FBXO36: variants seen among roughly 807,000 people sequenced by gnomAD.
The protein encoded by FBXO36 is F-box only protein 36.
Under a neutral mutation model 17.0 loss-of-function variants are expected in FBXO36, and 18 were observed. The observed-to-expected ratio is 1.06, with a 90% CI of 0.73 to 1.57. The LOEUF (loss-of-function observed/expected upper bound fraction) is 1.57. Among genes scored for constraint, FBXO36 ranks in the 40% most tolerant of loss-of-function variants. FBXO36 has a pLI of 0.00. For missense variants in FBXO36, 229 were observed against 221.9 expected (o/e 1.03, Z -0.20); for synonymous variants, 83 against 85.3 (o/e 0.97, Z 0.15).
chr2:229,968,292 A>G (rs898158858), intron 1 of FBXO36, among the ~76,000 whole-genome samples: 2 of 152,132 alleles, frequency 1.3e-5, no homozygotes, highest in Non-Finnish European at 2.9e-5. Flanking sequence ...TTCAATTATA[A>G]ATCAAATAAT....
intron 2 of FBXO36, among the ~76,000 whole-genome samples, chr2:229,990,759 C>T (rs757502123): frequency 1.3e-5 from 2 of 152,082 alleles, no homozygotes; most frequent in Non-Finnish European, 2.9e-5. Flanking sequence ...GGGAGTTCTT[C>T]TATTTCTATT....
At chr2:229,928,978 T>TC in intron 1 of FBXO36, among the ~76,000 whole-genome samples, 1 of 150,314 alleles carries the variant, frequency 6.7e-6, no homozygotes, top group East Asian at 2.0e-4. Context: ...TTTTCATTTT[T>TC]TTTTTTTCTT....
intron 2 of FBXO36, 196 bp downstream of exon 2, chr2:229,976,545 G>A (rs769311671): frequency 5.3e-5 from 25 of 472,682 alleles, no homozygotes; most frequent in African/African-American, 7.9e-5. Context: ...ATTTGGCCGG[G>A]CGCGGTCGCT....
chr2:230,000,850 T>A (rs1179673991), intron 3 of FBXO36, among the ~76,000 whole-genome samples: 2 of 115,414 alleles, frequency 1.7e-5, no homozygotes, highest in African/African-American at 6.3e-5. Context: ...TAACCACTTT[T>A]CTTTTTTTTT....
chr2:229,929,111 T>G (rs1311171302), intron 1 of FBXO36, among the ~76,000 whole-genome samples: 2 of 151,888 alleles, frequency 1.3e-5, no homozygotes, highest in African/African-American at 4.8e-5. Flanking sequence ...TTTTTGTATT[T>G]TTATTAGAGA....
intron 1 of FBXO36, among the ~76,000 whole-genome samples, chr2:229,966,378 G>A (rs1331019967): frequency 6.6e-6 from 1 of 152,096 alleles, no homozygotes; most frequent in African/African-American, 2.4e-5. Flanking sequence ...AAGCTCTTTA[G>A]TTTAATTAGA....
At chr2:229,939,139 C>G (rs1453646316) in intron 1 of FBXO36, 8 of 705,720 alleles carry the variant, frequency 1.1e-5, no homozygotes, top group Non-Finnish European at 1.2e-5. Flanking sequence ...CCGCAACCTC[C>G]GGTTCCCGGG....
chr2:229,923,141 C>T (rs561759832), intron 1 of FBXO36: 4 of 153,934 alleles, frequency 2.6e-5, no homozygotes, highest in East Asian at 3.8e-4. Flanking sequence ...CGATTGGGAG[C>T]TCTTACCTTT....
At chr2:229,941,601 GAA>G (rs772969166) in intron 1 of FBXO36, among the ~76,000 whole-genome samples, 1 of 141,142 alleles carries the variant, frequency 7.1e-6, no homozygotes. Context: ...CAGGAGAGGC[GAA>G]AAAAAAAAAA....
intron 1 of FBXO36, chr2:229,942,831 A>G (rs2077006811): frequency 6.6e-6 from 1 of 152,162 alleles, no homozygotes; most frequent in Non-Finnish European, 1.5e-5. Flanking sequence ...GCTTTTTCCC[A>G]CAGTCAAGCC....
intron 2 of FBXO36, among the ~76,000 whole-genome samples, chr2:229,980,960 T>C (rs1432475167): frequency 6.6e-6 from 1 of 152,180 alleles, no homozygotes; most frequent in African/African-American, 2.4e-5. Flanking sequence ...ATGGTGTTGG[T>C]AGTCTCTGTA....
chr2:229,955,431 C>T (rs916779526), intron 1 of FBXO36, among the ~76,000 whole-genome samples: 12 of 151,896 alleles, frequency 7.9e-5, no homozygotes, highest in African/African-American at 2.9e-4. Flanking sequence ...TGGTAGGATC[C>T]CTTGAATCCA....
chr2:229,925,422 G>A (rs1479729803), intron 1 of FBXO36, among the ~76,000 whole-genome samples: 2 of 152,162 alleles, frequency 1.3e-5, no homozygotes, highest in African/African-American at 2.4e-5. Context: ...CAAACATCCA[G>A]TAAGAGGTGG....
At chr2:229,952,598 G>A (rs1301327324) in intron 1 of FBXO36, among the ~76,000 whole-genome samples, 1 of 152,120 alleles carries the variant, frequency 6.6e-6, no homozygotes, top group African/African-American at 2.4e-5. Flanking sequence ...CAGATGAATG[G>A]GAGAGCCAGC....
chr2:229,933,703 T>C (rs541627448), intron 1 of FBXO36, among the ~76,000 whole-genome samples: 1 of 152,252 alleles, frequency 6.6e-6, no homozygotes, highest in South Asian at 2.1e-4. Flanking sequence ...GTTATTTTTT[T>C]GAGATGGAGT....
At chr2:229,948,131 C>T (rs2077036999) in intron 1 of FBXO36, among the ~76,000 whole-genome samples, 1 of 148,486 alleles carries the variant, frequency 6.7e-6, no homozygotes, top group East Asian at 1.9e-4. Flanking sequence ...GACCCTTTCT[C>T]TACAAAAAAA....
intron 1 of FBXO36, among the ~76,000 whole-genome samples, chr2:229,971,178 AC>A (rs2077178167): frequency 6.6e-6 from 1 of 151,782 alleles, no homozygotes; most frequent in Non-Finnish European, 1.5e-5. Context: ...ACATGGTAAA[AC>A]CCCGTCTCTA....
chr2:229,988,755 C>T (rs1307122509), intron 2 of FBXO36, among the ~76,000 whole-genome samples: 1 of 150,636 alleles, frequency 6.6e-6, no homozygotes, highest in African/African-American at 2.4e-5. Flanking sequence ...AGGCTGGTCT[C>T]GAACTCCTGA....
chr2:229,988,237 A>G (rs998914962), intron 2 of FBXO36, among the ~76,000 whole-genome samples: 1 of 152,240 alleles, frequency 6.6e-6, no homozygotes, highest in Non-Finnish European at 1.5e-5. Context: ...CCATCTCAAA[A>G]GTATAGAAAA....
Sources: gnomAD v4.1 joint callset for allele counts (sites outside exome capture counted in the v4.1 genomes callset) on GRCh38, gnomAD v4.1.1 for gene constraint, MANE v1.5 for transcripts, NCBI Gene and HGNC (gene_info 2026-07-23, HGNC 2026-07-21) for gene names.